Variants in TMEM144 observed in about 807,000 individuals in gnomAD.
The protein encoded by TMEM144 is transmembrane protein 144.
In TMEM144, 39 loss-of-function variants were observed where a neutral mutation model predicts 43.6. That is an observed-to-expected ratio of 0.90 (90% CI 0.69 to 1.17). The LOEUF (loss-of-function observed/expected upper bound fraction) is 1.17, where lower values mean the gene tolerates loss of function less well. Among genes scored for constraint, TMEM144 ranks in the 50% most tolerant of loss-of-function variants. TMEM144 has a pLI of 0.00. For missense variants in TMEM144, 417 were observed against 411.9 expected (o/e 1.01, Z -0.11); for synonymous variants, 154 against 133.6 (o/e 1.15, Z -1.06).
rs1247739073 is a variant in TMEM144, at chr4:158,237,446, A to T, written c.564-79A>T. The T allele has an allele frequency of 2.4e-5, 27 of 1,109,388 alleles. No individual in the cohort carries two copies. The East Asian group carries it at 6.6e-4, about 27-fold the overall frequency. The allele number at this position is 1,109,388 out of a possible 1,614,324, so 68.7% of individuals were successfully genotyped here. On this transcript the variant is annotated intron_variant, in intron 8 of 12. Coordinates refer to ENST00000296529, the MANE Select transcript of TMEM144 (RefSeq NM_018342.5). ...TTGTTTGTGATTTGCCTTTTGAAGC[A>T]TGTTTATGATTCCATTTGTGCGTTT...
intron 6 of TMEM144, among the ~76,000 whole-genome samples, chr4:158,223,595 T>A (rs1181277896): frequency 6.6e-6 from 1 of 152,252 alleles, no homozygotes; most frequent in East Asian, 1.9e-4. Context: ...GTGGTGTGTG[T>A]TGTTCCCCTC....
chr4:158,247,377 T>G (rs112816409), intron 12 of TMEM144, among the ~76,000 whole-genome samples: 9 of 151,958 alleles, frequency 5.9e-5, no homozygotes, highest in African/African-American at 1.9e-4. Flanking sequence ...GAATAAGAAA[T>G]GAAATGAATA....
In TMEM144 at chr4:158,216,153, CAG is replaced by C. The variant is rs559239356; in HGVS notation, c.232+841_232+842del. Reference sequence around the variant, plus strand: ...CAGTATGATTGCTTGTCATATCTAACAGGGGGAGAGGAACAGACTAAGCATCC... The same window carrying C: ...CAGTATGATTGCTTGTCATATCTAACGGGGAGAGGAACAGACTAAGCATCC... On this transcript the variant is annotated intron_variant, in intron 4 of 12. Transcript: ENST00000296529. 2.0e-3 allele frequency among the ~76,000 whole-genome samples: 299 copies of C among 152,204 alleles called. 2 individuals are homozygous for C. Among genetic ancestry groups the C allele is most frequent in the African/African-American group, 6.4e-3 (264 of 41,536 alleles).
Position 158,237,541 on chromosome 4 carries a change from G to C in TMEM144, c.580G>C (p.Val194Leu). 1 of 1,613,218 alleles carries C rather than the reference G, an allele frequency of 6.2e-7. No homozygotes were observed. The change falls in exon 9 of 13, where the codon GTG becomes CTG. Residue 194 changes from valine to leucine, a missense_variant. Physicochemically the swap from Val to Leu is conservative, Grantham distance 32. Coordinates refer to ENST00000296529, the MANE Select transcript of TMEM144 (RefSeq NM_018342.5). ...TTTTGTAAGGGGCTGCAGTCTTGCA[G>C]TGATATCTGGAGTACTCTATGGATC... ...HHRIVGCSLA[V>L]ISGVLYGSTF...
intron 6 of TMEM144, among the ~76,000 whole-genome samples, chr4:158,232,316 A>G (rs1050562000): frequency 7.2e-5 from 11 of 152,208 alleles, no homozygotes; most frequent in African/African-American, 2.7e-4. Context: ...AGAGATCATC[A>G]TTATTCCATT....
rs1220168255 is a variant in TMEM144, at chr4:158,244,360, G to C, written c.954+11G>C. On this transcript the variant is annotated intron_variant, in intron 12 of 12. Transcript: ENST00000296529. ...TTTAAGGAAATAAAGGTATGTACAA[G>C]AAAGGGCAGACTTAGAAAATGGGAA... 7.5e-6 allele frequency: 12 copies of C among 1,607,184 alleles called. No homozygotes were observed. The highest frequency in any genetic ancestry group is 4.4e-5 in the South Asian group (4 of 90,158).
At chr4:158,232,787 C>A in intron 6 of TMEM144, 114 bp from the exon 7 acceptor site, 1 of 703,356 alleles carries the variant, frequency 1.4e-6, no homozygotes, top group Non-Finnish European at 2.4e-6. Flanking sequence ...TGAAAGTAAT[C>A]ATTGTATCAT....
chr4:158,220,699 T>C (rs1734466846), intron 6 of TMEM144, among the ~76,000 whole-genome samples: 2 of 152,248 alleles, frequency 1.3e-5, no homozygotes, highest in African/African-American at 4.8e-5. Flanking sequence ...GTTAATGCTC[T>C]ACATATTAGT....
intron 12 of TMEM144, among the ~76,000 whole-genome samples, chr4:158,248,430 A>T (rs1035707996): frequency 6.6e-6 from 1 of 152,074 alleles, no homozygotes; most frequent in African/African-American, 2.4e-5. Flanking sequence ...TCTCAAAATA[A>T]CTAACCACAT....
Position 158,235,429 on chromosome 4 carries a change from T to C in TMEM144, c.496-9T>C. 1 of 1,613,612 alleles carries C rather than the reference T, an allele frequency of 6.2e-7. No individual in the cohort carries two copies. Among genetic ancestry groups the C allele is most frequent in the South Asian group, 1.1e-5 (1 of 90,998 alleles). ...CTTTTGTTTTAATTTGGGCCAATGT[T>C]TTCAATAGGTGATCAACACAACCCA... On this transcript the variant is annotated splice_polypyrimidine_tract_variant and intron_variant, in intron 7 of 12. Coordinates refer to ENST00000296529, the MANE Select transcript of TMEM144 (RefSeq NM_018342.5).
rs893575926 is a variant in TMEM144 at position 158,215,201 on chromosome 4, C to T, written c.120C>T (p.Leu40=). Residue 40 remains leucine, a synonymous_variant, in exon 4 of 13, where the codon CTC becomes CTT. Coordinates refer to ENST00000296529, the MANE Select transcript of TMEM144 (RefSeq NM_018342.5). The part of the protein sequence containing the change: ...KKFDTGDGMF[L]QWVLCAAIWL... ...TTTGTTTATTTCTAGGAATGTTTCT[C>T]CAGTGGGTTCTTTGTGCTGCCATAT... 52 of 1,613,584 alleles carry T rather than the reference C, an allele frequency of 3.2e-5. No homozygotes were observed. The highest frequency in any genetic ancestry group is 4.1e-5 in the Non-Finnish European group (48 of 1,179,702).
At position 158,235,452 on chromosome 4, in the gene TMEM144, C is replaced by A. The variant is rs1347240595; in HGVS notation, c.510C>A (p.Thr170=). Reference sequence around the variant, plus strand: ...GTTTTCAATAGGTGATCAACACAACCCAAGACCCCTGTTCCTGGGTGGATA... The same window carrying A: ...GTTTTCAATAGGTGATCAACACAACACAAGACCCCTGTTCCTGGGTGGATA... ...PLITEHVINT[T]QDPCSWVDKL... The change falls in exon 8 of 13, where the codon ACC becomes ACA. Residue 170 remains threonine (T), a synonymous_variant. Coordinates refer to ENST00000296529, the MANE Select transcript of TMEM144 (RefSeq NM_018342.5). 2 of 1,613,892 alleles carry A rather than the reference C, an allele frequency of 1.2e-6. No individual in the cohort carries two copies. The highest frequency in any genetic ancestry group is 1.7e-6 in the Non-Finnish European group (2 of 1,179,874).
intron 12 of TMEM144, among the ~76,000 whole-genome samples, chr4:158,245,213 AGTGTGTGTGTGTGT>A (rs759486531): frequency 1.6e-5 from 2 of 125,686 alleles, no homozygotes; most frequent in South Asian, 5.6e-4. Context: ...TTCTAGTAAG[AGTGTGTGTGTGTGT>A]GTGTGTGTGT....
chr4:158,229,146 C>G (rs1167007017), intron 6 of TMEM144, among the ~76,000 whole-genome samples: 8 of 152,136 alleles, frequency 5.3e-5, no homozygotes, highest in Admixed American at 5.2e-4. Context: ...GGTTTTGGGT[C>G]TGGTTCCTAG....
At chr4:158,246,533 C>T (rs536880232) in intron 12 of TMEM144, among the ~76,000 whole-genome samples, 23 of 152,130 alleles carry the variant, frequency 1.5e-4, no homozygotes, top group African/African-American at 5.1e-4. Flanking sequence ...AATATGTGGA[C>T]TATGATCAGA....
intron 5 of TMEM144, among the ~76,000 whole-genome samples, chr4:158,218,249 GT>G (rs977636418): frequency 6.6e-6 from 1 of 152,136 alleles, no homozygotes; most frequent in Non-Finnish European, 1.5e-5. Flanking sequence ...CTACTCTTTT[GT>G]GCAGTGAAGA....
rs748416765 is a variant in TMEM144, at chr4:158,240,285, A to G, written c.683-14A>G. 1 of 1,596,062 alleles carries G rather than the reference A, an allele frequency of 6.3e-7. No individual in the cohort carries two copies. The highest frequency in any genetic ancestry group is 8.5e-7 in the Non-Finnish European group (1 of 1,174,464). On this transcript the variant is annotated splice_polypyrimidine_tract_variant and intron_variant, in intron 9 of 12. Transcript: ENST00000296529. Reference sequence around the variant, plus strand: ...TTAAAATGGTGTTTGAGAGTTTTTAATGTCTATTTTCAGATTTAGACTATG... The same window carrying G: ...TTAAAATGGTGTTTGAGAGTTTTTAGTGTCTATTTTCAGATTTAGACTATG...
chr4:158,242,770 G>A lies in TMEM144; in HGVS notation c.900+1164G>A, dbSNP rs1289727419. On this transcript the variant is annotated intron_variant, in intron 11 of 12. Transcript: ENST00000296529. The stretch of plus-strand genomic sequence containing the variant: ...CTAAACTGAATCAGCTTAATCTTAA[G>A]ATAGGAGCGAGTTCACTTTGTTTTC... Among the ~76,000 whole-genome samples the A allele has an allele frequency of 2.6e-5, 4 of 152,176 alleles. No homozygotes were observed. In the East Asian group the frequency reaches 5.8e-4, roughly 22 times the overall value.
chr4:158,215,541 G>C (rs1734181138), intron 4 of TMEM144, among the ~76,000 whole-genome samples: 1 of 151,792 alleles, frequency 6.6e-6, no homozygotes, highest in South Asian at 2.1e-4. Flanking sequence ...TTAAGTTCCT[G>C]GTAGAAAATT....
Sources: allele counts gnomAD v4.1 joint callset (sites outside exome capture counted in the v4.1 genomes callset), GRCh38; gene constraint gnomAD v4.1.1; transcripts MANE v1.5; gene names NCBI Gene and HGNC (gene_info 2026-07-23, HGNC 2026-07-21).